The following BSN variants were observed in gnomAD, a reference collection of about 807,000 sequenced individuals.
BSN encodes protein bassoon.
Under a neutral mutation model 264.8 loss-of-function variants are expected in BSN, and 57 were observed. The observed-to-expected ratio is 0.22, with a 90% confidence interval of 0.17 to 0.27. BSN has a LOEUF of 0.27. BSN is among the 10% of genes least tolerant of loss of function. The pLI is 1.00. For missense variants in BSN, 4,615 were observed against 5,232.5 expected (o/e 0.88, Z 3.64); for synonymous variants, 2,059 against 2,137.3 (o/e 0.96, Z 1.01).
intron 1 of BSN, among the ~76,000 whole-genome samples, chr3:49,565,995 G>T (rs180864914): frequency 6.6e-6 from 1 of 151,920 alleles, no homozygotes; most frequent in Non-Finnish European, 1.5e-5. Context: ...ACTAATTTTT[G>T]TATTTTTTTA....
intron 3 of BSN, among the ~76,000 whole-genome samples, chr3:49,648,324 G>A (rs78764834): frequency 6.6e-6 from 1 of 152,382 alleles, no homozygotes; most frequent in African/African-American, 2.4e-5. Context: ...CCTAACATGG[G>A]ATGGGTGTGC....
At chr3:49,673,124 A>G (rs1357769073), downstream of BSN, among the ~76,000 whole-genome samples, 2 of 32,542 alleles carry the variant, frequency 6.1e-5, no homozygotes, top group African/African-American at 1.0e-4. Context: ...TTACTTAACT[A>G]GTTATCTTGA....
rs781262503 is a variant in BSN at position 49,650,738 on chromosome 3, G to A, written c.1645G>A (p.Gly549Arg). ...PPVGAPHRAS[G>R]TSPLKQKGPQ... is the part of the protein sequence containing the mutation. Reference sequence around the variant, plus strand: ...TGTAGGGGCCCCTCACCGTGCATCTGGAACATCCCCTCTGAAGCAGAAAGG... The same window carrying A: ...TGTAGGGGCCCCTCACCGTGCATCTAGAACATCCCCTCTGAAGCAGAAAGG... The change falls in exon 4 of 12, where the codon GGA becomes AGA. Residue 549 changes from glycine (G) to arginine (R), a missense_variant. Transcript: ENST00000296452. The A allele has an allele frequency of 3.7e-6, 6 of 1,613,538 alleles. No homozygotes were observed. In the South Asian group the frequency reaches 6.6e-5, roughly 18 times the overall value.
intron 8 of BSN, 99 bp downstream of exon 8, chr3:49,663,985 C>G: frequency 8.7e-7 from 1 of 1,149,816 alleles, no homozygotes; most frequent in Admixed American, 2.3e-5. Flanking sequence ...ACTGCATGCC[C>G]TCACTAATCC....
intron 2 of BSN, among the ~76,000 whole-genome samples, chr3:49,633,302 A>G (rs75155734): frequency 2.2e-5 from 3 of 139,442 alleles, no homozygotes; most frequent in Admixed American, 1.4e-4. Flanking sequence ...ACTCTGTCTC[A>G]AAAAAAAAAA....
chr3:49,672,025 C>CTTT (rs34710169), downstream of BSN, among the ~76,000 whole-genome samples: 87 of 100,416 alleles, frequency 8.7e-4, no homozygotes, highest in East Asian at 2.9e-3. Flanking sequence ...GTTGCTAGAC[C>CTTT]TTTTTTTTTT....
At position 49,643,310 on chromosome 3, in the gene BSN, C is replaced by T. The variant is rs572229601; in HGVS notation, c.1518+158C>T. Among the ~76,000 whole-genome samples the T allele has an allele frequency of 2.6e-5, 4 of 152,350 alleles. No individual in the cohort carries two copies. The East Asian group carries it at 7.7e-4, about 29-fold the overall frequency. On this transcript the variant is annotated intron_variant, in intron 3 of 11. Coordinates refer to ENST00000296452, the MANE Select transcript of BSN (RefSeq NM_003458.4). ...AGAGGGGCTGCATTCCCTTTCCTGT[C>T]CCTACCTCAGGCCCCAGTTCTACTC...
rs2052721505 is a variant in BSN at position 49,667,628 on chromosome 3, C to G, written c.*143C>G. ...GCAAACCCTTGGCCCAAAGACTCAC[C>G]AGGTGGGACGTGGCAGGCAGGCCTC... On this transcript the variant is annotated 3_prime_UTR_variant, in exon 12 of 12. Transcript: ENST00000296452. 1 of 152,718 alleles carries G rather than the reference C, an allele frequency of 6.5e-6. No individual in the cohort carries two copies. Among genetic ancestry groups the G allele is most frequent in the Non-Finnish European group, 1.5e-5 (1 of 68,052 alleles). 9.5% of individuals were successfully genotyped at this position (152,718 alleles called of 1,614,324 possible).
At chr3:49,606,630 C>T (rs963896898) in intron 1 of BSN, among the ~76,000 whole-genome samples, 2 of 151,960 alleles carry the variant, frequency 1.3e-5, no homozygotes, top group Non-Finnish European at 2.9e-5. Flanking sequence ...GCAGTAAAGC[C>T]ACACACTTGT....
At chr3:49,615,575 C>T (rs2052253881) in intron 1 of BSN, among the ~76,000 whole-genome samples, 2 of 152,188 alleles carry the variant, frequency 1.3e-5, no homozygotes, top group Non-Finnish European at 2.9e-5. Flanking sequence ...GGTGTGGTAC[C>T]TTCCCTCTCC....
rs144878929 is a variant in BSN, at chr3:49,662,367, G to A, written c.10522G>A (p.Val3508Ile). The change falls in exon 6 of 12, where the codon GTC (valine) becomes ATC (isoleucine). Residue 3508 changes from valine to isoleucine, a missense_variant. Physicochemically the swap from Val to Ile is conservative, Grantham distance 29. Around this residue, in one of 3 missense-constraint regions of BSN, gnomAD observed 3,415 missense variants for 3,866.4 expected, o/e 0.88. Coordinates refer to ENST00000296452, the MANE Select transcript of BSN (RefSeq NM_003458.4). ...RSQASEEESP[V>I]SPLGRPRPAG... is the part of the protein sequence containing the mutation. ...CCAGGCCTCTGAAGAGGAGAGCCCC[G>A]TCAGTCCTTTGGGGAGGCCCCGCCC... 28 of 1,613,538 alleles carry A rather than the reference G, an allele frequency of 1.7e-5. No homozygotes were observed. The highest frequency in any genetic ancestry group is 1.7e-4 in the Middle Eastern group (1 of 6,042).
rs776566602 is a variant in BSN, at chr3:49,668,174, G to A, written c.*689G>A. 7 of 152,562 alleles carry A rather than the reference G, an allele frequency of 4.6e-5. No homozygotes were observed. Among genetic ancestry groups the A allele is most frequent in the African/African-American group, 1.2e-4 (5 of 41,414 alleles). 9.5% of individuals were successfully genotyped at this position (152,562 alleles called of 1,614,324 possible). ...CGCTGAAATAAGAGGCCATAGCACC[G>A]AAAAGCAGCGTGGGCGCCGGCTGAG... On this transcript the variant is annotated 3_prime_UTR_variant, in exon 12 of 12. Transcript: ENST00000296452.
intron 2 of BSN, among the ~76,000 whole-genome samples, chr3:49,639,216 T>TC (rs72004783): frequency 6.6e-6 from 1 of 150,444 alleles, no homozygotes; most frequent in Non-Finnish European, 1.5e-5. Flanking sequence ...TTTTTTTTTT[T>TC]GAGACAGAGT....
At chr3:49,592,635 C>T (rs2051988040) in intron 1 of BSN, among the ~76,000 whole-genome samples, 2 of 151,094 alleles carry the variant, frequency 1.3e-5, no homozygotes, top group Non-Finnish European at 3.0e-5. Context: ...CCTGTAGTCC[C>T]AGCTACTCGG....
Position 49,660,681 on chromosome 3 carries a change from C to T in BSN, c.8836C>T (p.Arg2946Trp), listed in dbSNP as rs765703453. The change falls in exon 6 of 12, where the codon CGG becomes TGG. Residue 2946 changes from arginine (R) to tryptophan (W), a missense_variant. By Grantham distance (101) the Arg-to-Trp change is moderately radical. Transcript: ENST00000296452. This position sits in a 1 kb window ranked among gnomAD's most constrained non-coding sequence, Gnocchi z 7.1. ...GGCCAGCCTGCTCCGGGAGCTGGACCGGGACCTGCGGCTGGTGGAGCATGA... is the reference window on the plus strand; with the variant it reads ...GGCCAGCCTGCTCCGGGAGCTGGACTGGGACCTGCGGCTGGTGGAGCATGA... The part of the protein sequence containing the change: ...TKASLLRELD[R>W]DLRLVEHEST... 34 of 1,613,182 alleles carry T rather than the reference C, an allele frequency of 2.1e-5. No individual in the cohort carries two copies. The East Asian group carries it at 3.6e-4, about 17-fold the overall frequency.
intron 1 of BSN, among the ~76,000 whole-genome samples, chr3:49,603,372 G>A (rs1361774437): frequency 6.6e-6 from 1 of 152,194 alleles, no homozygotes; most frequent in African/African-American, 2.4e-5. Flanking sequence ...GATGTCACCA[G>A]CCTTGCCCAA....
At chr3:49,659,158 T>G (rs2052633708) in intron 5 of BSN, among the ~76,000 whole-genome samples, 1 of 151,928 alleles carries the variant, frequency 6.6e-6, no homozygotes, top group African/African-American at 2.4e-5. Flanking sequence ...AGTGGAGCCT[T>G]AGAATGGGGT....
intron 1 of BSN, among the ~76,000 whole-genome samples, chr3:49,613,720 C>G (rs1559605562): frequency 6.6e-6 from 1 of 150,520 alleles, no homozygotes; most frequent in Non-Finnish European, 1.5e-5. Flanking sequence ...GTTGGCCAGG[C>G]TGGTCTCAAA....
chr3:49,662,253 C>T lies in BSN; in HGVS notation c.10408C>T (p.Arg3470Trp), dbSNP rs751110961. Residue 3470 changes from arginine (R) to tryptophan (W), a missense_variant, in exon 6 of 12, where the codon CGG becomes TGG. By Grantham distance (101) the Arg-to-Trp change is moderately radical. This residue lies in a region of BSN where 3,415 missense variants were observed against 3,866.4 expected (regional missense o/e 0.88). Coordinates refer to ENST00000296452, the MANE Select transcript of BSN (RefSeq NM_003458.4). ...SGWGKGYEREREAVERLQKAG... is the reference protein window; with the variant it reads ...SGWGKGYEREWEAVERLQKAG... ...CTGGGGCAAGGGGTACGAAAGGGAACGGGAGGCTGTGGAGCGACTTCAAAA... is the reference window on the plus strand; with the variant it reads ...CTGGGGCAAGGGGTACGAAAGGGAATGGGAGGCTGTGGAGCGACTTCAAAA... 8 of 1,613,778 alleles carry T rather than the reference C, an allele frequency of 5.0e-6. No individual in the cohort carries two copies. The highest frequency in any genetic ancestry group is 2.7e-5 in the African/African-American group (2 of 74,924).
Sources: gnomAD v4.1 joint callset for allele counts (sites outside exome capture counted in the v4.1 genomes callset) on GRCh38, gnomAD v4.1.1 for gene constraint, gnomAD v4.1.1 regional missense constraint, Gnocchi (gnomAD v3.1) non-coding constraint, MANE v1.5 for transcripts, NCBI Gene and HGNC (gene_info 2026-07-23, HGNC 2026-07-21) for gene names.